Variants in ZMYM2 observed in about 807,000 individuals in gnomAD.
ZMYM2 encodes zinc finger MYM-type protein 2.
Under a neutral mutation model 162.8 loss-of-function variants are expected in ZMYM2, and 56 were observed. The observed-to-expected ratio is 0.34, with a 90% CI of 0.28 to 0.43. ZMYM2 has a LOEUF of 0.43. Ranked by LOEUF, ZMYM2 falls within the 20% of genes least tolerant of loss-of-function variation. The pLI, the probability that ZMYM2 is intolerant of heterozygous loss-of-function variation, is 1.00. For synonymous variants in ZMYM2, 510 were observed against 541.6 expected, an observed-to-expected ratio of 0.94 and a Z score of 0.81; for missense variants, 1,275 against 1,621.8, an observed-to-expected ratio of 0.79 and a Z score of 3.67.
chr13:19,927,435 T>C, the ZMYM2 span, among the ~76,000 whole-genome samples: 1 of 152,244 alleles, frequency 6.6e-6, no homozygotes, highest in Admixed American at 6.5e-5. Context: ...TGATACTCTA[T>C]GTGGTCTTCT....
intron 2 of ZMYM2, among the ~76,000 whole-genome samples, chr13:19,976,821 C>G (rs985009358): frequency 1.3e-5 from 2 of 152,190 alleles, no homozygotes; most frequent in Non-Finnish European, 2.9e-5. Flanking sequence ...CTTCCATTTC[C>G]TTACTGATTT....
Position 19,986,375 on chromosome 13 carries a change from A to C in ZMYM2, c.-10-6688A>C, listed in dbSNP as rs144326735. 7.9e-3 allele frequency among the ~76,000 whole-genome samples: 1,205 copies of C among 152,060 alleles called. 21 individuals are homozygous for C. The highest frequency in any genetic ancestry group is 0.027 in the African/African-American group (1,125 of 41,454). On this transcript the variant is annotated intron_variant, in intron 2 of 24. Coordinates refer to ENST00000610343, the MANE Select transcript of ZMYM2 (RefSeq NM_197968.4). ...CTCAGAAAAAACAAACAAAAACAAA[A>C]AAAAAAAGAAGGGTGATTATTTACT...
intron 9 of ZMYM2, 24 bp downstream of exon 9, chr13:20,027,342 C>G: frequency 1.3e-6 from 2 of 1,482,896 alleles, no homozygotes; most frequent in Non-Finnish European, 1.8e-6. Flanking sequence ...TTTGCATAAC[C>G]CATGCCCCCA....
the ZMYM2 span, among the ~76,000 whole-genome samples, chr13:19,926,735 C>G: frequency 6.6e-6 from 1 of 151,922 alleles, no homozygotes; most frequent in African/African-American, 2.4e-5. Context: ...TGGCGCAATC[C>G]CTGCTCACTG....
At chr13:20,010,341 A>C (rs978161548) in intron 6 of ZMYM2, among the ~76,000 whole-genome samples, 1 of 151,816 alleles carries the variant, frequency 6.6e-6, no homozygotes, top group African/African-American at 2.4e-5. Flanking sequence ...GACCACAGGC[A>C]CGGGCCACTA....
At chr13:19,905,329 T>C in the ZMYM2 span, among the ~76,000 whole-genome samples, 1 of 152,098 alleles carries the variant, frequency 6.6e-6, no homozygotes, top group African/African-American at 2.4e-5. Flanking sequence ...TTTCTATTTC[T>C]GATGCTTTGC....
At chr13:19,962,895 C>A (rs1239357340) in intron 2 of ZMYM2, among the ~76,000 whole-genome samples, 1 of 145,172 alleles carries the variant, frequency 6.9e-6, no homozygotes, top group African/African-American at 2.5e-5. Context: ...GATGTCTGCT[C>A]ACTGCAGCCT....
the ZMYM2 span, among the ~76,000 whole-genome samples, chr13:19,920,700 T>G: frequency 6.6e-6 from 1 of 151,822 alleles, no homozygotes; most frequent in East Asian, 1.9e-4. Flanking sequence ...GGGAGTTCAT[T>G]AAAAAACTAG....
intron 9 of ZMYM2, among the ~76,000 whole-genome samples, chr13:20,029,774 A>G (rs1566340610): frequency 6.6e-6 from 1 of 152,024 alleles, no homozygotes; most frequent in South Asian, 2.1e-4. Flanking sequence ...GTGTCCATGT[A>G]TGCTTATATT....
At chr13:20,085,683 C>A in intron 24 of ZMYM2, 139 bp from the exon 25 acceptor site, 3 of 572,560 alleles carry the variant, frequency 5.2e-6, no homozygotes, top group African/African-American at 1.9e-5. Flanking sequence ...ATTTTAATGA[C>A]AGAATAATGG....
At chr13:19,957,078 A>AT (rs925657288), upstream of ZMYM2, among the ~76,000 whole-genome samples, 4 of 152,214 alleles carry the variant, frequency 2.6e-5, no homozygotes, top group East Asian at 1.9e-4. Context: ...CATTTTATTA[A>AT]TTTTTTTCAA....
At chr13:19,889,226 GC>G in the ZMYM2 span, among the ~76,000 whole-genome samples, 1 of 152,066 alleles carries the variant, frequency 6.6e-6, no homozygotes, top group Admixed American at 6.5e-5. Flanking sequence ...GATACCTTGC[GC>G]CAAAACCCTT....
the ZMYM2 span, among the ~76,000 whole-genome samples, chr13:19,895,108 A>G: frequency 2.7e-5 from 4 of 150,778 alleles, no homozygotes; most frequent in East Asian, 5.8e-4. Flanking sequence ...GAAAATTAAC[A>G]TATTCTAAAA....
intron 9 of ZMYM2, among the ~76,000 whole-genome samples, chr13:20,028,574 A>T (rs1220606118): frequency 6.6e-6 from 1 of 152,198 alleles, no homozygotes; most frequent in Non-Finnish European, 1.5e-5. Flanking sequence ...GGCAAGTGGT[A>T]CCAGGACCTC....
At chr13:19,947,409 A>G in the ZMYM2 span, among the ~76,000 whole-genome samples, 1 of 150,852 alleles carries the variant, frequency 6.6e-6, no homozygotes, top group Non-Finnish European at 1.5e-5. Context: ...TGATGTAGGC[A>G]CGTATTACTC....
chr13:19,981,652 C>T (rs6490501), intron 2 of ZMYM2, among the ~76,000 whole-genome samples: 5,049 of 152,226 alleles, frequency 0.033, 99 homozygotes, highest in Middle Eastern at 0.058. Flanking sequence ...CCTGTAAATA[C>T]GAATTTTTTC....
Position 19,963,716 on chromosome 13 carries a change from T to G in ZMYM2, c.-11+3690T>G, listed in dbSNP as rs912075870. 9.9e-5 allele frequency among the ~76,000 whole-genome samples: 15 copies of G among 152,276 alleles called. No homozygotes were observed. The East Asian group carries it at 2.9e-3, about 29-fold the overall frequency. The stretch of plus-strand genomic sequence containing the variant: ...TTGGATTATAACACATTTGAACATA[T>G]CTGTTGTTTTTGTGCATATTTAAGA... On this transcript the variant is annotated intron_variant, in intron 2 of 24. Transcript: ENST00000610343.
At chr13:20,005,365 A>T (rs1407309195) in intron 5 of ZMYM2, 126 bp downstream of exon 5, 1 of 652,908 alleles carries the variant, frequency 1.5e-6, no homozygotes, top group Non-Finnish European at 2.5e-6. Context: ...CTATCTTATA[A>T]ATATCCTATT....
At chr13:20,067,501 A>G in intron 21 of ZMYM2, 111 bp downstream of exon 21, 6 of 1,136,534 alleles carry the variant, frequency 5.3e-6, no homozygotes, top group Non-Finnish European at 7.2e-6. Flanking sequence ...AAACACATCT[A>G]CAAAGTTGTA....
Sources: gnomAD v4.1 joint callset for allele counts (sites outside exome capture counted in the v4.1 genomes callset) on GRCh38, gnomAD v4.1.1 for gene constraint, MANE v1.5 for transcripts, NCBI Gene and HGNC (gene_info 2026-07-23, HGNC 2026-07-21) for gene names.